Variants in CAMTA1 observed in about 807,000 individuals in gnomAD.
CAMTA1 encodes calmodulin-binding transcription activator 1.
A neutral mutation model predicts 170.9 loss-of-function variants in CAMTA1; 27 were observed. The observed-to-expected ratio is 0.16, with a 90% CI of 0.12 to 0.22. The LOEUF is 0.22. Among genes scored for constraint, CAMTA1 ranks in the 10% least tolerant of loss-of-function variants. CAMTA1 has a pLI of 1.00. For synonymous variants in CAMTA1, 833 were observed against 891.5 expected (o/e 0.93, Z 1.17); for missense variants, 1,619 against 2,217.2 (o/e 0.73, Z 5.42).
At chr1:7,133,293 C>A (rs2148554309) in intron 4 of CAMTA1, among the ~76,000 whole-genome samples, 1 of 152,258 alleles carries the variant, frequency 6.6e-6, no homozygotes, top group East Asian at 1.9e-4. Context: ...CTATCTAAGT[C>A]TTTATGAATA....
At chr1:7,226,933 C>A (rs552453858) in intron 4 of CAMTA1, among the ~76,000 whole-genome samples, 1 of 151,940 alleles carries the variant, frequency 6.6e-6, no homozygotes, top group Non-Finnish European at 1.5e-5. Context: ...CCTGGGTTGA[C>A]GCCATTCTCC....
intron 5 of CAMTA1, among the ~76,000 whole-genome samples, chr1:7,383,890 C>T (rs999643231): frequency 2.0e-5 from 3 of 152,136 alleles, no homozygotes; most frequent in African/African-American, 7.2e-5. Context: ...ATGACACCCT[C>T]GGTGCGGGTA....
chr1:7,578,270 C>G (rs1390815821), intron 6 of CAMTA1, among the ~76,000 whole-genome samples: 1 of 152,180 alleles, frequency 6.6e-6, no homozygotes, highest in Non-Finnish European at 1.5e-5. Context: ...GGACAGGGGC[C>G]GTGGCCTGCT....
At chr1:7,394,718 T>C (rs1257374488) in intron 5 of CAMTA1, among the ~76,000 whole-genome samples, 1 of 152,140 alleles carries the variant, frequency 6.6e-6, no homozygotes. Context: ...TTGTCTATTG[T>C]TCCTTTTGTT....
chr1:7,655,604 C>T (rs1158162028), intron 7 of CAMTA1, among the ~76,000 whole-genome samples: 1 of 140,150 alleles, frequency 7.1e-6, no homozygotes. Context: ...ATACACACAC[C>T]TATACACACC....
chr1:7,564,935 GAGA>G (rs2095019809), intron 6 of CAMTA1, among the ~76,000 whole-genome samples: 1 of 151,986 alleles, frequency 6.6e-6, no homozygotes, highest in Admixed American at 6.6e-5. Flanking sequence ...CAGAGAAATG[GAGA>G]AGGAGAGAGA....
At chr1:6,988,432 T>C (rs1313860836) in intron 3 of CAMTA1, among the ~76,000 whole-genome samples, 2 of 152,188 alleles carry the variant, frequency 1.3e-5, no homozygotes, top group African/African-American at 4.8e-5. Flanking sequence ...ATCTGACTTA[T>C]ATACAATAAA....
chr1:7,612,534 T>TC (rs1231917654), intron 6 of CAMTA1, among the ~76,000 whole-genome samples: 1 of 152,196 alleles, frequency 6.6e-6, no homozygotes, highest in African/African-American at 2.4e-5. Flanking sequence ...GATTGCCTGT[T>TC]CCCATTTAGG....
chr1:7,239,946 AACTC>A, intron 4 of CAMTA1, among the ~76,000 whole-genome samples: 2 of 152,238 alleles, frequency 1.3e-5, no homozygotes, highest in Middle Eastern at 3.4e-3. Context: ...TGTAATAACT[AACTC>A]ACTCCCAAGG....
In CAMTA1 at chr1:7,044,057, G is replaced by A. The variant is rs1704942289; in HGVS notation, c.235-47247G>A. ...CCAGAGGGCCATTAGGGCTGCCAGC[G>A]GAGGTCAGGAGCAGTGATCTACGGG... is the stretch of plus-strand genomic sequence containing the variant. On this transcript the variant is annotated intron_variant, in intron 3 of 22. Coordinates refer to ENST00000303635, the MANE Select transcript of CAMTA1 (RefSeq NM_015215.4). This position sits in a 1 kb window ranked among gnomAD's most constrained non-coding sequence, Gnocchi z 5.0. Among the ~76,000 whole-genome samples the A allele has an allele frequency of 6.6e-6, 1 of 152,242 alleles. No homozygotes were observed. Among genetic ancestry groups the A allele is most frequent in the South Asian group, 2.1e-4 (1 of 4,830 alleles).
intron 11 of CAMTA1, among the ~76,000 whole-genome samples, chr1:7,708,135 A>C (rs759252242): frequency 5.3e-5 from 8 of 150,088 alleles, no homozygotes; most frequent in Non-Finnish European, 1.0e-4. Flanking sequence ...GTTCAAGACC[A>C]GCCTGGGCAA....
chr1:7,536,727 G>A (rs960870993), intron 6 of CAMTA1, among the ~76,000 whole-genome samples: 25 of 152,192 alleles, frequency 1.6e-4, no homozygotes, highest in Admixed American at 4.6e-4. Context: ...CACGGCAGGC[G>A]CGACGCTCAT....
At chr1:7,208,204 A>C (rs553285901) in intron 4 of CAMTA1, among the ~76,000 whole-genome samples, 1 of 152,356 alleles carries the variant, frequency 6.6e-6, no homozygotes, top group African/African-American at 2.4e-5. Flanking sequence ...ACCTTACTGG[A>C]TACACTTGCT....
intron 6 of CAMTA1, among the ~76,000 whole-genome samples, chr1:7,493,282 C>CGT (rs1575603852): frequency 8.6e-6 from 1 of 115,616 alleles, no homozygotes; most frequent in African/African-American, 5.5e-5. Context: ...CAAACATACA[C>CGT]GCGCACAAAC....
chr1:6,816,782 G>A (rs1033161064), intron 1 of CAMTA1, among the ~76,000 whole-genome samples: 5 of 152,282 alleles, frequency 3.3e-5, no homozygotes, highest in South Asian at 2.1e-4. Context: ...TGGCAGAGCC[G>A]CCCCAGTATT....
chr1:7,747,640 A>G (rs2096866122), intron 18 of CAMTA1, 70 bp from the exon 19 acceptor site: 1 of 992,252 alleles, frequency 1.0e-6, no homozygotes, highest in Non-Finnish European at 1.5e-6. Flanking sequence ...TTAAATGAGT[A>G]GTAATAAAAA....
At chr1:7,414,817 T>C (rs34108566) in intron 5 of CAMTA1, among the ~76,000 whole-genome samples, 21,882 of 150,738 alleles carry the variant, frequency 0.15, 2,492 homozygotes, top group East Asian at 0.49. Flanking sequence ...AATGTGTTTG[T>C]TCTTGCTTTT....
At chr1:7,566,228 C>G (rs1576105095) in intron 6 of CAMTA1, among the ~76,000 whole-genome samples, 2 of 152,330 alleles carry the variant, frequency 1.3e-5, no homozygotes, top group East Asian at 3.9e-4. Context: ...GGGTGACCCC[C>G]AGGCACTCAC....
chr1:7,060,990 T>C (rs536193705), intron 3 of CAMTA1, among the ~76,000 whole-genome samples: 43 of 152,256 alleles, frequency 2.8e-4, no homozygotes, highest in African/African-American at 9.9e-4. Flanking sequence ...TCTTCCTCCT[T>C]CTTTTTTTAT....
Sources: gnomAD v4.1 joint callset for allele counts (sites outside exome capture counted in the v4.1 genomes callset) on GRCh38, gnomAD v4.1.1 for gene constraint, Gnocchi (gnomAD v3.1) non-coding constraint, MANE v1.5 for transcripts, NCBI Gene and HGNC (gene_info 2026-07-23, HGNC 2026-07-21) for gene names.